The following CFAP61 variants were observed in gnomAD, a reference collection of about 807,000 sequenced individuals.
The protein encoded by CFAP61 is cilia and flagella associated protein 61.
In CFAP61, 107 loss-of-function variants were observed where a neutral mutation model predicts 135.6. The ratio of observed to expected loss-of-function variants is 0.79; its 90% CI spans 0.67 to 0.93. The LOEUF (loss-of-function observed/expected upper bound fraction) is 0.93, where lower values mean the gene tolerates loss of function less well. Ranked by LOEUF, CFAP61 falls within the 40% of genes least tolerant of loss-of-function variation. The pLI is 0.00. For missense variants in CFAP61, 1,507 were observed against 1,556.2 expected (o/e 0.97, Z 0.53); for synonymous variants, 575 against 578.5 (o/e 0.99, Z 0.09).
intron 8 of CFAP61, among the ~76,000 whole-genome samples, chr20:20,121,103 C>CTTTTTT (rs869290856): frequency 1.8e-5 from 2 of 113,570 alleles, no homozygotes; most frequent in Non-Finnish European, 3.5e-5. Context: ...TTTATTTTTA[C>CTTTTTT]TTTTTTTTTT....
chr20:20,172,884 T>C (rs2054328949), intron 13 of CFAP61, among the ~76,000 whole-genome samples: 1 of 152,232 alleles, frequency 6.6e-6, no homozygotes, highest in African/African-American at 2.4e-5. Flanking sequence ...GTATCCACTG[T>C]TATGATAGCA....
Position 20,298,172 on chromosome 20 carries a change from C to T in CFAP61, c.3217-9C>T, listed in dbSNP as rs1374533613. 6.2e-6 allele frequency: 10 copies of T among 1,601,708 alleles called. No homozygotes were observed. Among genetic ancestry groups the T allele is most frequent in the Non-Finnish European group, 8.6e-6 (10 of 1,168,850 alleles). On this transcript the variant is annotated splice_polypyrimidine_tract_variant and intron_variant, in intron 24 of 26. Coordinates refer to ENST00000245957, the MANE Select transcript of CFAP61 (RefSeq NM_015585.4). ...AATGTTGTTTTTCTTGTCCACATCCCTCCTCCAGGGTTTAGAACTAGTAAC... is the reference window on the plus strand; with the variant it reads ...AATGTTGTTTTTCTTGTCCACATCCTTCCTCCAGGGTTTAGAACTAGTAAC...
At chr20:20,294,228 G>A (rs1037695398) in intron 24 of CFAP61, among the ~76,000 whole-genome samples, 2 of 152,206 alleles carry the variant, frequency 1.3e-5, no homozygotes, top group Non-Finnish European at 2.9e-5. Context: ...ACTTAGTGGA[G>A]CAGCTTTCTA....
At chr20:20,242,299 A>G (rs2050071774) in intron 18 of CFAP61, among the ~76,000 whole-genome samples, 2 of 152,380 alleles carry the variant, frequency 1.3e-5, no homozygotes, top group South Asian at 4.1e-4. Context: ...AAAAAATCTC[A>G]TCAGCATGAA....
chr20:20,230,099 CA>C (rs1268314300), intron 18 of CFAP61, among the ~76,000 whole-genome samples: 1 of 152,182 alleles, frequency 6.6e-6, no homozygotes, highest in Admixed American at 6.5e-5. Context: ...TAAATGATTA[CA>C]TTGAGACATA....
At chr20:20,251,460 A>C (rs2050895849) in intron 19 of CFAP61, 135 bp from the exon 20 acceptor site, 1 of 726,476 alleles carries the variant, frequency 1.4e-6, no homozygotes. Flanking sequence ...AAAATCTCCT[A>C]GTATCAGTCC....
chr20:20,308,450 G>A (rs1260776434), intron 25 of CFAP61, among the ~76,000 whole-genome samples: 1 of 151,368 alleles, frequency 6.6e-6, no homozygotes, highest in African/African-American at 2.4e-5. Flanking sequence ...GGGCTGGTGT[G>A]GGGGAAGGGG....
intron 13 of CFAP61, among the ~76,000 whole-genome samples, chr20:20,184,018 G>A (rs2055313075): frequency 6.6e-6 from 1 of 152,216 alleles, no homozygotes; most frequent in African/African-American, 2.4e-5. Context: ...GTGAAACGAT[G>A]TTTGCAGTTT....
chr20:20,211,214 G>C (rs1383047069), intron 17 of CFAP61, among the ~76,000 whole-genome samples: 1 of 152,238 alleles, frequency 6.6e-6, no homozygotes, highest in African/African-American at 2.4e-5. Flanking sequence ...GGAAAGTGCA[G>C]TACCTGGTTA....
intron 15 of CFAP61, among the ~76,000 whole-genome samples, chr20:20,195,286 CA>C (rs2056207534): frequency 6.6e-6 from 1 of 152,198 alleles, no homozygotes; most frequent in Admixed American, 6.5e-5. Context: ...CAGAACACAT[CA>C]GGGGCCTTGC....
At chr20:20,323,006 A>G in intron 25 of CFAP61, 1 of 985,446 alleles carries the variant, frequency 1.0e-6, no homozygotes, top group South Asian at 4.7e-5. Context: ...ATAATGTCAG[A>G]TGGCCCTTCA....
intron 9 of CFAP61, among the ~76,000 whole-genome samples, chr20:20,153,824 G>A (rs950165882): frequency 2.0e-5 from 3 of 152,020 alleles, no homozygotes; most frequent in African/African-American, 7.2e-5. Flanking sequence ...TGTTCCAGAA[G>A]ATAAAGAAAG....
In CFAP61 at chr20:20,199,989, C is replaced by G. The variant is rs951933071; in HGVS notation, c.1932+87C>G. ...GGTGGCAGTGCTGTCTTCACAGGAG[C>G]AGGCTGCTTCTTAATTACAGGGAAC... On this transcript the variant is annotated intron_variant, in intron 17 of 26. Transcript: ENST00000245957. 5 of 1,461,878 alleles carry G rather than the reference C, an allele frequency of 3.4e-6. No individual in the cohort carries two copies. In the African/African-American group the frequency reaches 5.6e-5, roughly 16 times the overall value. 90.6% of individuals were successfully genotyped at this position (1,461,878 alleles called of 1,614,324 possible).
At chr20:20,246,468 C>G (rs1202175687) in intron 19 of CFAP61, among the ~76,000 whole-genome samples, 5 of 152,200 alleles carry the variant, frequency 3.3e-5, no homozygotes, top group Admixed American at 2.6e-4. Context: ...TGGGGTGGAG[C>G]CTACGGACCC....
At chr20:20,281,679 T>C (rs2054204004) in intron 22 of CFAP61, among the ~76,000 whole-genome samples, 1 of 152,212 alleles carries the variant, frequency 6.6e-6, no homozygotes, top group Admixed American at 6.5e-5. Flanking sequence ...TTTGAAACTA[T>C]TTTGCAACTA....
chr20:20,190,304 T>A (rs550004487), intron 14 of CFAP61, among the ~76,000 whole-genome samples: 1 of 152,340 alleles, frequency 6.6e-6, no homozygotes, highest in Non-Finnish European at 1.5e-5. Context: ...GATACATGCC[T>A]TGGCTTGGAT....
intron 26 of CFAP61, among the ~76,000 whole-genome samples, chr20:20,355,784 T>A (rs1369195525): frequency 1.1e-5 from 1 of 91,468 alleles, no homozygotes; most frequent in Non-Finnish European, 2.1e-5. Flanking sequence ...TGAGGGGAGG[T>A]GGTCACACTG....
chr20:20,169,193 G>A (rs190256626), intron 12 of CFAP61, 128 bp from the exon 13 acceptor site: 20 of 812,104 alleles, frequency 2.5e-5, no homozygotes, highest in East Asian at 2.4e-4. Context: ...TATAGGAAAG[G>A]TAATTTGAAT....
intron 25 of CFAP61, among the ~76,000 whole-genome samples, chr20:20,326,758 A>G (rs974093916): frequency 2.6e-5 from 4 of 152,212 alleles, no homozygotes; most frequent in Non-Finnish European, 4.4e-5. Context: ...TTGAGACATT[A>G]TAAGTTGGCT....
Sources: gnomAD v4.1 joint callset for allele counts (sites outside exome capture counted in the v4.1 genomes callset) on GRCh38, gnomAD v4.1.1 for gene constraint, MANE v1.5 for transcripts, NCBI Gene and HGNC (gene_info 2026-07-23, HGNC 2026-07-21) for gene names.